The following LARGE1 variants were observed in gnomAD, a reference collection of about 807,000 sequenced individuals.
LARGE1 encodes the protein LARGE xylosyl- and glucuronyltransferase 1.
A neutral mutation model predicts 87.6 loss-of-function variants in LARGE1; 43 were observed. The observed-to-expected ratio is 0.49, with a 90% CI of 0.38 to 0.63. The LOEUF (loss-of-function observed/expected upper bound fraction) is 0.63. Ranked by LOEUF, LARGE1 falls within the 30% of genes least tolerant of loss-of-function variation. The pLI is 0.00. For missense variants in LARGE1, 802 were observed against 1,000.2 expected (o/e 0.80, Z 2.67); for synonymous variants, 434 against 394.6 (o/e 1.10, Z -1.18).
chr22:33,396,649 G>C (rs2065756471), intron 7 of LARGE1, among the ~76,000 whole-genome samples: 2 of 152,158 alleles, frequency 1.3e-5, no homozygotes, highest in Non-Finnish European at 2.9e-5. Flanking sequence ...TAGCAACACA[G>C]AGACAAAGAA....
chr22:33,900,186 A>G (rs1281684500), intron 1 of LARGE1, among the ~76,000 whole-genome samples: 1 of 152,198 alleles, frequency 6.6e-6, no homozygotes, highest in African/African-American at 2.4e-5. Context: ...AAATTGTACC[A>G]CAGGGCAGCA....
chr22:33,891,110 G>A (rs2064995888), intron 1 of LARGE1, among the ~76,000 whole-genome samples: 1 of 152,088 alleles, frequency 6.6e-6, no homozygotes. Context: ...CAGGCCCCTT[G>A]CTTCCCCCTT....
chr22:33,828,362 G>T (rs1021753603), intron 1 of LARGE1, among the ~76,000 whole-genome samples: 3 of 152,248 alleles, frequency 2.0e-5, no homozygotes, highest in Admixed American at 2.0e-4. Context: ...AGACAGAAAG[G>T]CTTCTAAACA....
intron 11 of LARGE1, among the ~76,000 whole-genome samples, chr22:33,265,886 GA>G (rs1309318782): frequency 6.6e-6 from 1 of 151,556 alleles, no homozygotes; most frequent in Non-Finnish European, 1.5e-5. Context: ...AGAAAATGCA[GA>G]ATCGCAGGCA....
intron 6 of LARGE1, among the ~76,000 whole-genome samples, chr22:33,488,690 G>A (rs1160183341): frequency 6.6e-6 from 1 of 152,140 alleles, no homozygotes; most frequent in Non-Finnish European, 1.5e-5. Flanking sequence ...ACTATCATTT[G>A]CCCTGACAAT....
chr22:33,103,031 GC>G, the LARGE1 span, among the ~76,000 whole-genome samples: 6 of 151,914 alleles, frequency 3.9e-5, no homozygotes, highest in Non-Finnish European at 8.8e-5. Flanking sequence ...CGCGGCCCCT[GC>G]CCCCCGCCCC....
intron 11 of LARGE1, among the ~76,000 whole-genome samples, chr22:33,211,986 T>C (rs1924987742): frequency 6.6e-6 from 1 of 152,152 alleles, no homozygotes; most frequent in African/African-American, 2.4e-5. Context: ...AGAAGGAAGT[T>C]TGAAGCTAGC....
chr22:33,556,608 CAGGGAAGG>C (rs928170452), intron 6 of LARGE1, among the ~76,000 whole-genome samples: 8 of 109,120 alleles, frequency 7.3e-5, no homozygotes, highest in Non-Finnish European at 1.5e-4. Flanking sequence ...GGTAGGGAGG[CAGGGAAGG>C]AGGGAAGGAG....
intron 5 of LARGE1, among the ~76,000 whole-genome samples, chr22:33,592,191 C>A (rs1201148062): frequency 6.6e-6 from 1 of 151,864 alleles, no homozygotes; most frequent in African/African-American, 2.4e-5. Flanking sequence ...ATAAGTTCTA[C>A]AGATTTAGCT....
chr22:33,157,537 T>G (rs1014170466), downstream of LARGE1, among the ~76,000 whole-genome samples: 2 of 152,204 alleles, frequency 1.3e-5, no homozygotes, highest in African/African-American at 2.4e-5. Flanking sequence ...CTCAGTAACA[T>G]GCTTGTACCA....
chr22:33,625,080 A>G (rs1182237238), intron 4 of LARGE1, among the ~76,000 whole-genome samples: 1 of 152,104 alleles, frequency 6.6e-6, no homozygotes, highest in Non-Finnish European at 1.5e-5. Flanking sequence ...TTTTACACTG[A>G]TCTCTGTTCA....
chr22:33,196,050 A>G (rs185245125), intron 11 of LARGE1, among the ~76,000 whole-genome samples: 4,496 of 151,064 alleles, frequency 0.03, 93 homozygotes, highest in Admixed American at 0.056. Flanking sequence ...GAGCCACCAC[A>G]CCTGGCCTAA....
intron 1 of LARGE1, among the ~76,000 whole-genome samples, chr22:33,909,780 C>T (rs967138392): frequency 2.6e-5 from 4 of 152,110 alleles, no homozygotes; most frequent in South Asian, 2.1e-4. Context: ...CCTCATGATT[C>T]GCCCGCCTCA....
At chr22:33,469,081 G>A (rs974953282) in intron 6 of LARGE1, among the ~76,000 whole-genome samples, 3 of 152,230 alleles carry the variant, frequency 2.0e-5, no homozygotes, top group Non-Finnish European at 4.4e-5. Flanking sequence ...CTTATACACT[G>A]CTGGTAGGAA....
At chr22:33,798,186 A>G (rs568292582) in intron 1 of LARGE1, among the ~76,000 whole-genome samples, 1 of 152,198 alleles carries the variant, frequency 6.6e-6, no homozygotes, top group South Asian at 2.1e-4. Flanking sequence ...AGCTACTCAG[A>G]GGCTGAGGCA....
chr22:33,292,360 A>C (rs1009188316), intron 12 of LARGE1, among the ~76,000 whole-genome samples: 1 of 152,144 alleles, frequency 6.6e-6, no homozygotes, highest in African/African-American at 2.4e-5. Flanking sequence ...AGGTTAAGAA[A>C]AGGAGAGAGC....
chr22:33,358,845 A>C (rs2283897), intron 9 of LARGE1, among the ~76,000 whole-genome samples: 16,806 of 150,292 alleles, frequency 0.11, 1,102 homozygotes, highest in Admixed American at 0.19. Flanking sequence ...ACAACAACAA[A>C]AAATTAGCCA....
intron 6 of LARGE1, among the ~76,000 whole-genome samples, chr22:33,520,059 C>T (rs759803880): frequency 6.0e-5 from 8 of 132,828 alleles, no homozygotes; most frequent in African/African-American, 1.2e-4. Context: ...GGCTGGAGTG[C>T]GGTGGTGTGA....
In LARGE1 at chr22:33,432,217, C is replaced by T. The variant is rs2067104360; in HGVS notation, c.836G>A (p.Gly279Glu). Residue 279 changes from glycine (G) to glutamate (E), a missense_variant, in exon 7 of 15, where the codon GGA (glycine) becomes GAA (glutamate). Gly to Glu is a moderately conservative substitution (Grantham distance 98). This residue lies in a region of LARGE1 where 625 missense variants were observed against 841.9 expected (regional missense o/e 0.74). Coordinates refer to ENST00000397394, the MANE Select transcript of LARGE1 (RefSeq NM_133642.5). ...TGGGCGGTGATTTTTCCACAGGTTT[C>T]CAAGGTACCAGTCACTCTGGTTCTC... The part of the protein sequence containing the change: ...LVENQSDWYL[G>E]NLWKNHRPWP... 1 of 1,614,188 alleles carries T rather than the reference C, an allele frequency of 6.2e-7. No homozygotes were observed.
Sources: allele counts gnomAD v4.1 joint callset (sites outside exome capture counted in the v4.1 genomes callset), GRCh38; gene constraint gnomAD v4.1.1; regional missense constraint gnomAD v4.1.1; transcripts MANE v1.5; gene names NCBI Gene and HGNC (gene_info 2026-07-23, HGNC 2026-07-21).